Variants in PAICS observed in about 807,000 individuals in gnomAD.
PAICS encodes the protein bifunctional phosphoribosylaminoimidazole carboxylase/phosphoribosylaminoimidazole succinocarboxamide synthetase.
In PAICS, 33 loss-of-function variants were observed where a neutral mutation model predicts 53.7. The observed-to-expected ratio is 0.61, with a 90% CI of 0.47 to 0.82. The LOEUF (loss-of-function observed/expected upper bound fraction) is 0.82. Ranked by LOEUF, PAICS falls within the 40% of genes least tolerant of loss-of-function variation. PAICS has a pLI of 0.00. For synonymous variants in PAICS, 141 were observed against 167.2 expected, an observed-to-expected ratio of 0.84 and a Z score of 1.21; for missense variants, 394 against 494.1, an observed-to-expected ratio of 0.80 and a Z score of 1.92.
the PAICS span, among the ~76,000 whole-genome samples, chr4:56,429,645 T>TA: frequency 3.9e-5 from 6 of 152,196 alleles, no homozygotes; most frequent in Admixed American, 2.6e-4. Context: ...TTTAATGCCT[T>TA]ATAGATTTAT....
the PAICS span, among the ~76,000 whole-genome samples, chr4:56,423,916 T>C: frequency 6.6e-6 from 1 of 152,164 alleles, no homozygotes; most frequent in Non-Finnish European, 1.5e-5. Context: ...ACTCCGCTCT[T>C]AGGAAGAATG....
At chr4:56,428,565 G>A in the PAICS span, among the ~76,000 whole-genome samples, 1,051 of 152,152 alleles carry the variant, frequency 6.9e-3, 14 homozygotes, top group African/African-American at 0.024. Flanking sequence ...GAAGTTGACT[G>A]CATCCTAAGA....
chr4:56,455,238 C>T (rs902215261), intron 8 of PAICS, among the ~76,000 whole-genome samples: 75 of 152,120 alleles, frequency 4.9e-4, no homozygotes, highest in Admixed American at 4.8e-3. Flanking sequence ...TGTTGTGGTT[C>T]GTTCATCATA....
chr4:56,433,898 G>A (rs1717747599), upstream of PAICS, among the ~76,000 whole-genome samples: 1 of 152,088 alleles, frequency 6.6e-6, no homozygotes, highest in African/African-American at 2.4e-5. Flanking sequence ...CACCATGTTG[G>A]CCAGGATGGT....
rs1034502151 is a variant in PAICS, at chr4:56,459,596, G to A, written c.*58G>A. The A allele has an allele frequency of 1.6e-6, 2 of 1,263,652 alleles. No homozygotes were observed. The highest frequency in any genetic ancestry group is 2.2e-6 in the Non-Finnish European group (2 of 908,624). The allele number at this position is 1,263,652 out of a possible 1,614,324, so 78.3% of individuals were successfully genotyped here. A position where few individuals can be genotyped will look rare whatever the true frequency, so the allele number is the denominator to read the frequency against. ...ACTACAAATTTCTAATTTAGCTGAA[G>A]GAAAATCAAGCAAGATGAAAAGGTA... is the stretch of plus-strand genomic sequence containing the variant. On this transcript the variant is annotated 3_prime_UTR_variant, in exon 9 of 9. Coordinates refer to ENST00000512576, the MANE Select transcript of PAICS (RefSeq NM_001079524.2).
chr4:56,456,000 T>C (rs1323588816), intron 8 of PAICS, among the ~76,000 whole-genome samples: 1 of 152,212 alleles, frequency 6.6e-6, no homozygotes, highest in East Asian at 1.9e-4. Flanking sequence ...TGAATAAATT[T>C]GGGCTTCCCT....
At chr4:56,443,046 C>T (rs906887966) in intron 2 of PAICS, among the ~76,000 whole-genome samples, 2 of 152,290 alleles carry the variant, frequency 1.3e-5, no homozygotes, top group South Asian at 2.1e-4. Context: ...TCCTAAGTCA[C>T]AGAATCTAAG....
At chr4:56,435,310 T>C (rs747126936), upstream of PAICS, 20 of 1,609,942 alleles carry the variant, frequency 1.2e-5, no homozygotes, top group South Asian at 1.8e-4. Context: ...CTCCGAGAGA[T>C]GGAGACGCAC....
the PAICS span, among the ~76,000 whole-genome samples, chr4:56,427,586 C>A: frequency 6.6e-6 from 1 of 150,842 alleles, no homozygotes; most frequent in Non-Finnish European, 1.5e-5. Flanking sequence ...GCAGGAGGAT[C>A]GCTTGAGCTC....
intron 3 of PAICS, 86 bp from the exon 4 acceptor site, chr4:56,448,332 G>A (rs1158770338): frequency 2.1e-6 from 2 of 958,688 alleles, no homozygotes; most frequent in African/African-American, 3.3e-5. Flanking sequence ...AGGAGTTCAT[G>A]CTCAAGGTGA....
At chr4:56,422,270 C>T in the PAICS span, 1 of 151,996 alleles carries the variant, frequency 6.6e-6, no homozygotes, top group Non-Finnish European at 1.5e-5. Context: ...TGAGACTCTG[C>T]CTCAAAAACA....
At chr4:56,447,181 A>C in intron 3 of PAICS, among the ~76,000 whole-genome samples, 1 of 152,030 alleles carries the variant, frequency 6.6e-6, no homozygotes, top group South Asian at 2.1e-4. Flanking sequence ...TTTATATTCT[A>C]ATACAGGAAA....
the PAICS span, chr4:56,420,277 C>T: frequency 1.3e-5 from 2 of 152,294 alleles, no homozygotes; most frequent in African/African-American, 4.8e-5. Context: ...ATGCAATATT[C>T]TTAATAATTT....
chr4:56,451,909 T>G lies in PAICS; in HGVS notation c.809T>G (p.Val270Gly). The change falls in exon 7 of 9, where the codon GTG (valine) becomes GGG (glycine). Residue 270 changes from valine (V) to glycine (G), a missense_variant. Transcript: ENST00000512576. The stretch of plus-strand genomic sequence containing the variant: ...TCAGAAAGTCAGTGCAGGGTTGTAG[T>G]GTTGATGGGCTCTACTTCTGATCTT... ...LKSESQCRVV[V>G]LMGSTSDLGH... 1 of 1,606,910 alleles carries G rather than the reference T, an allele frequency of 6.2e-7. No individual in the cohort carries two copies. Among genetic ancestry groups the G allele is most frequent in the Non-Finnish European group, 8.5e-7 (1 of 1,176,556 alleles).
chr4:56,417,758 C>G, the PAICS span, among the ~76,000 whole-genome samples: 1 of 152,038 alleles, frequency 6.6e-6, no homozygotes, highest in Admixed American at 6.5e-5. Context: ...CACACTCCAG[C>G]CTGTGCAACA....
chr4:56,457,374 C>G (rs897626053), intron 8 of PAICS, among the ~76,000 whole-genome samples: 3 of 152,144 alleles, frequency 2.0e-5, no homozygotes, highest in Non-Finnish European at 2.9e-5. Flanking sequence ...GATTGCACCA[C>G]TGCACTCCGG....
intron 2 of PAICS, chr4:56,446,476 C>A: frequency 1.4e-6 from 1 of 693,562 alleles, no homozygotes; most frequent in Non-Finnish European, 2.7e-6. Context: ...GAATTTCGTT[C>A]CTTTTTATGG....
chr4:56,410,924 A>AT, the PAICS span: 22 of 901,306 alleles, frequency 2.4e-5, no homozygotes, highest in Non-Finnish European at 2.8e-5. Flanking sequence ...AAAAAAAAAA[A>AT]AAAAGAAAAG....
intron 8 of PAICS, among the ~76,000 whole-genome samples, chr4:56,456,389 G>A (rs1467585097): frequency 1.3e-5 from 2 of 152,188 alleles, no homozygotes; most frequent in African/African-American, 2.4e-5. Flanking sequence ...ACTGTGCCCG[G>A]CCTTCATTTT....
Sources: gnomAD v4.1 joint callset for allele counts (sites outside exome capture counted in the v4.1 genomes callset) on GRCh38, gnomAD v4.1.1 for gene constraint, MANE v1.5 for transcripts, NCBI Gene and HGNC (gene_info 2026-07-23, HGNC 2026-07-21) for gene names.